The following KCNAB3 variants were observed in gnomAD, a reference collection of about 807,000 sequenced individuals.
The protein encoded by KCNAB3 is voltage-gated potassium channel subunit beta-3.
In KCNAB3, 62 loss-of-function variants were observed where a neutral mutation model predicts 67.7. The observed-to-expected ratio is 0.92, with a 90% CI of 0.75 to 1.13. KCNAB3 has a LOEUF of 1.13. Ranked by LOEUF, KCNAB3 falls within the 50% of genes most tolerant of loss-of-function variation. The pLI is 0.00. For missense variants in KCNAB3, 514 were observed against 522.9 expected, an observed-to-expected ratio of 0.98 and a Z score of 0.17; for synonymous variants, 212 against 205.4, an observed-to-expected ratio of 1.03 and a Z score of -0.27.
At position 7,929,841 on chromosome 17, in the gene KCNAB3, G is replaced by A; in HGVS notation, c.-406C>T. 9.3e-7 allele frequency: 1 copy of A among 1,076,496 alleles called. No homozygotes were observed. Among genetic ancestry groups the A allele is most frequent in the Non-Finnish European group, 1.1e-6 (1 of 886,342 alleles). The allele number at this position is 1,076,496 out of a possible 1,614,324, so 66.7% of individuals were successfully genotyped here. A position where few individuals can be genotyped will look rare whatever the true frequency, so the allele number is the denominator to read the frequency against. On this transcript the variant is annotated 5_prime_UTR_variant, in exon 1 of 14. Coordinates refer to ENST00000303790, the MANE Select transcript of KCNAB3 (RefSeq NM_004732.4). The surrounding 1 kb of genome is among the most constrained non-coding windows in gnomAD (Gnocchi z 5.7). ...ACCCGCTGGGCTCCCAGCCGCGTCG[G>A]CAGCGGGCCCAGCTCATCAGCATGC...
rs1172070812 is a variant in KCNAB3 at position 7,923,820 on chromosome 17, C to A, written c.939G>T (p.Trp313Cys). 1 of 1,575,052 alleles carries A rather than the reference C, an allele frequency of 6.3e-7. No individual in the cohort carries two copies. The highest frequency in any genetic ancestry group is 8.6e-7 in the Non-Finnish European group (1 of 1,159,868). The change falls in exon 12 of 14, where the codon TGG (tryptophan) becomes TGT (cysteine). Residue 313 changes from tryptophan to cysteine, a missense_variant. Coordinates refer to ENST00000303790, the MANE Select transcript of KCNAB3 (RefSeq NM_004732.4). ...CTTCACTCTGCACTTTGTCCTTGAG[C>A]CACTGGTAGCCCTGGAGGCCAAGAA... ...TCRASIKGYQ[W>C]LKDKVQSEDG...
Position 7,923,170 on chromosome 17 carries a change from G to A in KCNAB3, c.1147C>T (p.Gln383Ter). 6.2e-7 allele frequency: 1 copy of A among 1,614,160 alleles called. No homozygotes were observed. The highest frequency in any genetic ancestry group is 8.5e-7 in the Non-Finnish European group (1 of 1,179,986). Residue 383 changes from glutamine (Q) to a stop codon, truncating the protein, a stop_gained, in exon 14 of 14, where the codon CAG (glutamine) becomes TAG (stop). Transcript: ENST00000303790. LOFTEE classifies it high-confidence loss of function. ...EHLGALQVLS[Q>*]LTPQTVMEID... ...TCCATCACTGTCTGCGGGGTCAGCT[G>A]GCTCAGCACCTGGAGGAGAGTGGGA...
chr17:7,925,856 C>CG, intron 6 of KCNAB3, 75 bp downstream of exon 6: 4 of 1,407,386 alleles, frequency 2.8e-6, no homozygotes, highest in Non-Finnish European at 4.0e-6. Flanking sequence ...GGATAGCTGT[C>CG]CCCACCCCCA....
At chr17:7,926,817 G>A (rs984786241) in intron 4 of KCNAB3, among the ~76,000 whole-genome samples, 3 of 152,136 alleles carry the variant, frequency 2.0e-5, no homozygotes, top group African/African-American at 7.2e-5. Context: ...ATGGAAGGAG[G>A]CCTCTGACTT....
chr17:7,929,668 T>G lies in KCNAB3; in HGVS notation c.-233A>C. 7.3e-7 allele frequency: 1 copy of G among 1,363,056 alleles called. No individual in the cohort carries two copies. The highest frequency in any genetic ancestry group is 9.4e-7 in the Non-Finnish European group (1 of 1,059,832). 84.4% of individuals were successfully genotyped at this position (1,363,056 alleles called of 1,614,324 possible). Reference sequence around the variant, plus strand: ...GTGGGGGGCGCCAGGAGTGGAGATATTCAGTTACGGGGGACACAGGAGCAA... The same window carrying G: ...GTGGGGGGCGCCAGGAGTGGAGATAGTCAGTTACGGGGGACACAGGAGCAA... On this transcript the variant is annotated 5_prime_UTR_variant, in exon 1 of 14. Coordinates refer to ENST00000303790, the MANE Select transcript of KCNAB3 (RefSeq NM_004732.4). The surrounding 1 kb of genome is among the most constrained non-coding windows in gnomAD (Gnocchi z 5.7).
At chr17:7,923,220 G>A in intron 13 of KCNAB3, 41 bp from the exon 14 acceptor site, 1 of 1,582,348 alleles carries the variant, frequency 6.3e-7, no homozygotes, top group East Asian at 2.2e-5. Flanking sequence ...GCCCATGCTG[G>A]GTCACTGAGA....
rs1567894670 is a variant in KCNAB3 at position 7,929,275 on chromosome 17, CG to C, written c.160del (p.Arg54GlufsTer25). On this transcript the variant is annotated frameshift_variant, in exon 1 of 14. Coordinates refer to ENST00000303790, the MANE Select transcript of KCNAB3 (RefSeq NM_004732.4). LOFTEE classifies it high-confidence loss of function. This position sits in a 1 kb window ranked among gnomAD's most constrained non-coding sequence, Gnocchi z 5.7. Reference sequence around the variant, plus strand: ...TGGGGGTCGGGGAACCAGTGCAGCTCGGGCCTTGGGGCCAGACCCTCCACCC... The same window carrying C: ...TGGGGGTCGGGGAACCAGTGCAGCTCGGCCTTGGGGCCAGACCCTCCACCC... ...PGGGGSGPKA[R>X]AALVPRPPAP... The C allele has an allele frequency of 6.3e-7, 1 of 1,599,884 alleles. No homozygotes were observed. Among genetic ancestry groups the C allele is most frequent in the Non-Finnish European group, 8.5e-7 (1 of 1,173,964 alleles).
chr17:7,923,743 T>G lies in KCNAB3; in HGVS notation c.1016A>C (p.Gln339Pro), dbSNP rs768577411. The G allele has an allele frequency of 6.4e-7, 1 of 1,570,932 alleles. No individual in the cohort carries two copies. Among genetic ancestry groups the G allele is most frequent in the Non-Finnish European group, 8.6e-7 (1 of 1,156,896 alleles). ...KVMDLLPVAH[Q>P]LGCTVAQLAI... Reference sequence around the variant, plus strand: ...AAGCTGGGCCACGGTGCAGCCCAGCTGGTGAGCGACAGGAAGAAGGTCCAT... The same window carrying G: ...AAGCTGGGCCACGGTGCAGCCCAGCGGGTGAGCGACAGGAAGAAGGTCCAT... The change falls in exon 12 of 14, where the codon CAG (glutamine) becomes CCG (proline). Residue 339 changes from glutamine (Q) to proline (P), a missense_variant. Gln to Pro is a moderately conservative substitution (Grantham distance 76, BLOSUM62 -1). Coordinates refer to ENST00000303790, the MANE Select transcript of KCNAB3 (RefSeq NM_004732.4).
In KCNAB3 at chr17:7,923,477, T is replaced by C. The variant is rs1240248098; in HGVS notation, c.1116A>G (p.Ile372Met). 1.2e-6 allele frequency: 2 copies of C among 1,612,046 alleles called. No homozygotes were observed. The highest frequency in any genetic ancestry group is 1.1e-5 in the South Asian group (1 of 90,550). The stretch of plus-strand genomic sequence containing the variant: ...TCACCTGTAGCGCGCCCAGGTGTTC[T>C]ATCAACTGCTCCGCACTCGACACCC... ...LLGVSSAEQLIEHLGALQVLS... is the reference protein window; with the variant it reads ...LLGVSSAEQLMEHLGALQVLS... Residue 372 changes from isoleucine to methionine, a missense_variant, in exon 13 of 14, where the codon ATA becomes ATG. Physicochemically the swap from Ile to Met is conservative, Grantham distance 10. Transcript: ENST00000303790.
Position 7,929,855 on chromosome 17 carries a change from T to C in KCNAB3, c.-420A>G. The C allele has an allele frequency of 9.3e-7, 1 of 1,080,198 alleles. No individual in the cohort carries two copies. The highest frequency in any genetic ancestry group is 1.1e-6 in the Non-Finnish European group (1 of 888,136). 66.9% of individuals were successfully genotyped at this position (1,080,198 alleles called of 1,614,324 possible). On this transcript the variant is annotated 5_prime_UTR_variant, in exon 1 of 14. Transcript: ENST00000303790. This position sits in a 1 kb window ranked among gnomAD's most constrained non-coding sequence, Gnocchi z 5.7. ...CAGCCGCGTCGGCAGCGGGCCCAGC[T>C]CATCAGCATGCAGGCACCGCCTCCT...
chr17:7,924,932 G>T (rs1251690231), intron 8 of KCNAB3, 165 bp downstream of exon 8: 13 of 627,764 alleles, frequency 2.1e-5, no homozygotes, highest in Non-Finnish European at 3.3e-5. Flanking sequence ...TTTTTGTAGA[G>T]ACAGGGTCTT....
chr17:7,928,078 T>A, intron 1 of KCNAB3: 1 of 593,198 alleles, frequency 1.7e-6, no homozygotes, highest in Non-Finnish European at 3.0e-6. Flanking sequence ...CATTCCCTCT[T>A]ATCACATTGA....
intron 1 of KCNAB3, 82 bp from the exon 2 acceptor site, chr17:7,927,908 G>T: frequency 1.3e-6 from 2 of 1,541,548 alleles, no homozygotes; most frequent in East Asian, 2.2e-5. Flanking sequence ...TCTCCTTCCA[G>T]ACTGAGAAGC....
chr17:7,922,826 A>G lies in KCNAB3; in HGVS notation c.*276T>C, dbSNP rs1207488497. Reference sequence around the variant, plus strand: ...AGTAGGGAGCGAGACGAAGTGGCAGAGAGCCGACGGCGAGTAGCTCATGCC... The same window carrying G: ...AGTAGGGAGCGAGACGAAGTGGCAGGGAGCCGACGGCGAGTAGCTCATGCC... On this transcript the variant is annotated 3_prime_UTR_variant, in exon 14 of 14. Transcript: ENST00000303790. 3 of 528,320 alleles carry G rather than the reference A, an allele frequency of 5.7e-6. No homozygotes were observed. In the East Asian group the frequency reaches 9.5e-5, roughly 17 times the overall value. 32.7% of individuals were successfully genotyped at this position (528,320 alleles called of 1,614,324 possible).
intron 8 of KCNAB3, chr17:7,924,743 T>C: frequency 7.7e-7 from 1 of 1,299,012 alleles, no homozygotes; most frequent in South Asian, 2.2e-5. Context: ...TGCTCAATTT[T>C]TGTATTTTAG....
chr17:7,929,131 C>T lies in KCNAB3; in HGVS notation c.242+63G>A. 1 of 1,585,104 alleles carries T rather than the reference C, an allele frequency of 6.3e-7. No individual in the cohort carries two copies. On this transcript the variant is annotated intron_variant, in intron 1 of 13. Coordinates refer to ENST00000303790, the MANE Select transcript of KCNAB3 (RefSeq NM_004732.4). This position sits in a 1 kb window ranked among gnomAD's most constrained non-coding sequence, Gnocchi z 5.7. The stretch of plus-strand genomic sequence containing the variant: ...TTTGAAGGGGTCTTGGCGGCCATCT[C>T]AAGCAGTCTCAGGGGTCCCGAAAGG...
At position 7,927,667 on chromosome 17, in the gene KCNAB3, A is replaced by G. The variant is rs1419049108; in HGVS notation, c.314T>C (p.Ile105Thr). Residue 105 changes from isoleucine (I) to threonine (T), a missense_variant, in exon 3 of 14, where the codon ATC (isoleucine) becomes ACC (threonine). By Grantham distance (89) the Ile-to-Thr change is moderately conservative (BLOSUM62 -1). Coordinates refer to ENST00000303790, the MANE Select transcript of KCNAB3 (RefSeq NM_004732.4). ...LGTWVTFGSQ[I>T]SDETAEDVLT... is the part of the protein sequence containing the mutation. ...TCCGATAACTTATACCTCATCTGAG[A>G]TCTGAGAACCAAATGTGACCCAGGT... 1.9e-6 allele frequency: 3 copies of G among 1,614,020 alleles called. No homozygotes were observed. Among genetic ancestry groups the G allele is most frequent in the Non-Finnish European group, 2.5e-6 (3 of 1,180,020 alleles).
chr17:7,924,210 G>A lies in KCNAB3; in HGVS notation c.767C>T (p.Ala256Val), dbSNP rs749778107. 151 of 1,614,090 alleles carry A rather than the reference G, an allele frequency of 9.4e-5. 1 individual carries two copies. In the East Asian group the frequency reaches 2.4e-3, roughly 26 times the overall value. ...FNLIPPVCEQ[A>V]EHHLFQREKV... ...CTCCCTCTGAAACAGATGGTGCTCC[G>A]CTTGTTCACACACTGGAGGAATCAG... Residue 256 changes from alanine (A) to valine (V), a missense_variant, in exon 10 of 14, where the codon GCG (alanine) becomes GTG (valine). Coordinates refer to ENST00000303790, the MANE Select transcript of KCNAB3 (RefSeq NM_004732.4).
rs1226334411 is a variant in KCNAB3 at position 7,922,729 on chromosome 17, CTGTA to C, written c.*369_*372del. On this transcript the variant is annotated 3_prime_UTR_variant, in exon 14 of 14. Coordinates refer to ENST00000303790, the MANE Select transcript of KCNAB3 (RefSeq NM_004732.4). ...TTTCAAGGGCCCCTTTTGAGGTACACTGTATGTTTCTTGTATGTGCTGGGTTTTT... is the reference window on the plus strand; with the variant it reads ...TTTCAAGGGCCCCTTTTGAGGTACACTGTTTCTTGTATGTGCTGGGTTTTT... 14 of 294,924 alleles carry C rather than the reference CTGTA, an allele frequency of 4.7e-5. No homozygotes were observed. The highest frequency in any genetic ancestry group is 9.3e-5 in the Non-Finnish European group (14 of 151,204). The allele number at this position is 294,924 out of a possible 1,614,324, so 18.3% of individuals were successfully genotyped here.
Sources: allele counts gnomAD v4.1 joint callset (sites outside exome capture counted in the v4.1 genomes callset), GRCh38; gene constraint gnomAD v4.1.1; non-coding constraint Gnocchi (gnomAD v3.1); transcripts MANE v1.5; gene names NCBI Gene and HGNC (gene_info 2026-07-23, HGNC 2026-07-21).